Variants in DPP10 observed in about 807,000 individuals in gnomAD.
DPP10 encodes the protein inactive dipeptidyl peptidase 10.
A neutral mutation model predicts 120.9 loss-of-function variants in DPP10; 33 were observed. The observed-to-expected ratio is 0.27, with a 90% CI of 0.21 to 0.37. The LOEUF is 0.37. Ranked by LOEUF, DPP10 falls within the 10% of genes least tolerant of loss-of-function variation. The pLI is 1.00. For missense variants in DPP10, 816 were observed against 942.8 expected, an observed-to-expected ratio of 0.87 and a Z score of 1.76; for synonymous variants, 337 against 326.1, an observed-to-expected ratio of 1.03 and a Z score of -0.36.
At chr2:114,885,859 A>G (rs189243230) in intron 1 of DPP10, among the ~76,000 whole-genome samples, 8 of 152,316 alleles carry the variant, frequency 5.3e-5, no homozygotes, top group Admixed American at 4.6e-4. Flanking sequence ...TGTCACCACA[A>G]GCAAATTATT....
At chr2:115,170,800 C>G (rs1042170993) in intron 1 of DPP10, among the ~76,000 whole-genome samples, 2 of 152,132 alleles carry the variant, frequency 1.3e-5, no homozygotes, top group African/African-American at 4.8e-5. Flanking sequence ...AAGAAACTCC[C>G]CTCCCTCACA....
chr2:115,560,560 T>C (rs2080577723), intron 5 of DPP10, among the ~76,000 whole-genome samples: 1 of 147,456 alleles, frequency 6.8e-6, no homozygotes, highest in Non-Finnish European at 1.5e-5. Flanking sequence ...AGTGATCTAT[T>C]CCCCCCACCC....
At chr2:114,595,720 T>G (rs1227096531) in intron 1 of DPP10, among the ~76,000 whole-genome samples, 1 of 152,024 alleles carries the variant, frequency 6.6e-6, no homozygotes, top group Non-Finnish European at 1.5e-5. Context: ...GGGGCATATC[T>G]CCCAGATGAA....
At chr2:114,497,281 G>A (rs1393356123) in intron 1 of DPP10, among the ~76,000 whole-genome samples, 41 of 36,768 alleles carry the variant, frequency 1.1e-3, no homozygotes, top group African/African-American at 1.6e-3. Context: ...ACATGTATAC[G>A]TGTATACATG....
chr2:115,088,406 C>T (rs930572078), intron 1 of DPP10, among the ~76,000 whole-genome samples: 3 of 152,084 alleles, frequency 2.0e-5, no homozygotes, highest in African/African-American at 7.2e-5. Context: ...TAGCTAACTT[C>T]CACAGAAAAA....
chr2:115,461,970 T>C (rs964231217), intron 3 of DPP10, among the ~76,000 whole-genome samples: 1 of 152,198 alleles, frequency 6.6e-6, no homozygotes, highest in African/African-American at 2.4e-5. Flanking sequence ...GAATGTCTTT[T>C]ATTCCATTAA....
rs1682070265 is a variant in DPP10 at position 114,492,274 on chromosome 2, T to C, written c.60+49436T>C. Among the ~76,000 whole-genome samples the C allele has an allele frequency of 2.0e-5, 3 of 152,198 alleles. No homozygotes were observed. The South Asian group carries it at 6.2e-4, about 31-fold the overall frequency. On this transcript the variant is annotated intron_variant, in intron 1 of 25. Transcript: ENST00000410059. The stretch of plus-strand genomic sequence containing the variant: ...GACAAAGTGACATATTGTATAATTT[T>C]ATTCCCAAAGCTAATTTTTTTATTT...
intron 1 of DPP10, among the ~76,000 whole-genome samples, chr2:114,993,953 T>G (rs1243902156): frequency 6.6e-6 from 1 of 152,182 alleles, no homozygotes; most frequent in Non-Finnish European, 1.5e-5. Context: ...CTCCATTTTC[T>G]CGAGTAATGC....
At chr2:114,831,306 A>G (rs1374634535) in intron 1 of DPP10, among the ~76,000 whole-genome samples, 2 of 152,098 alleles carry the variant, frequency 1.3e-5, no homozygotes, top group East Asian at 1.9e-4. Context: ...CATAAGGGAT[A>G]TTTGTAATAT....
chr2:115,478,254 T>C (rs1364311659), intron 3 of DPP10, among the ~76,000 whole-genome samples: 2 of 152,152 alleles, frequency 1.3e-5, no homozygotes, highest in African/African-American at 2.4e-5. Context: ...AAATAAATTC[T>C]CAAATATGTG....
At chr2:114,747,601 G>A (rs536446383) in intron 1 of DPP10, among the ~76,000 whole-genome samples, 42 of 152,290 alleles carry the variant, frequency 2.8e-4, no homozygotes, top group African/African-American at 9.4e-4. Context: ...GGGAAAACCT[G>A]AAACCATTCC....
intron 5 of DPP10, among the ~76,000 whole-genome samples, chr2:115,624,987 G>C (rs1484340815): frequency 6.6e-6 from 1 of 151,778 alleles, no homozygotes; most frequent in African/African-American, 2.4e-5. Context: ...AGTTCCCCTG[G>C]GTTTATTAAA....
intron 11 of DPP10, among the ~76,000 whole-genome samples, chr2:115,755,218 C>G (rs1679251240): frequency 6.6e-6 from 1 of 151,908 alleles, no homozygotes; most frequent in Admixed American, 6.6e-5. Flanking sequence ...AGAAATAAAT[C>G]TAACAACTTA....
chr2:114,550,776 A>G (rs1181724823), intron 1 of DPP10, among the ~76,000 whole-genome samples: 1 of 152,178 alleles, frequency 6.6e-6, no homozygotes, highest in Non-Finnish European at 1.5e-5. Context: ...GTTTCCCCAG[A>G]CAACCTGTGT....
intron 1 of DPP10, among the ~76,000 whole-genome samples, chr2:115,151,715 A>ATTT (rs1200514817): frequency 2.9e-5 from 4 of 139,866 alleles, no homozygotes; most frequent in Non-Finnish European, 6.3e-5. Flanking sequence ...TCAGTATTGA[A>ATTT]TTTTTTTTTT....
At chr2:114,581,799 A>T (rs974594652) in intron 1 of DPP10, among the ~76,000 whole-genome samples, 1 of 152,188 alleles carries the variant, frequency 6.6e-6, no homozygotes, top group African/African-American at 2.4e-5. Flanking sequence ...TAAAACTTAG[A>T]CAAGTTTTTA....
At chr2:115,258,549 A>ATTG (rs2059110170) in intron 1 of DPP10, among the ~76,000 whole-genome samples, 1 of 152,204 alleles carries the variant, frequency 6.6e-6, no homozygotes, top group Non-Finnish European at 1.5e-5. Flanking sequence ...CCCTAAATTG[A>ATTG]ATATAGAATA....
At chr2:114,925,438 T>C (rs933552455) in intron 1 of DPP10, among the ~76,000 whole-genome samples, 1 of 152,144 alleles carries the variant, frequency 6.6e-6, no homozygotes, top group Non-Finnish European at 1.5e-5. Flanking sequence ...GCTGTGTTTA[T>C]CGAGATGACT....
intron 1 of DPP10, among the ~76,000 whole-genome samples, chr2:114,943,189 G>A (rs954570907): frequency 1.3e-5 from 2 of 152,106 alleles, no homozygotes; most frequent in African/African-American, 4.8e-5. Flanking sequence ...TGAGAATGAT[G>A]GTTTCCAGCT....
Sources: allele counts gnomAD v4.1 joint callset (sites outside exome capture counted in the v4.1 genomes callset), GRCh38; gene constraint gnomAD v4.1.1; transcripts MANE v1.5; gene names NCBI Gene and HGNC (gene_info 2026-07-23, HGNC 2026-07-21).